Variants in TMEM232 observed in about 807,000 individuals in gnomAD.
TMEM232 encodes transmembrane protein 232.
TMEM232 carries 80 observed loss-of-function variants against 78.8 expected under a neutral mutation model. The ratio of observed to expected loss-of-function variants is 1.01; its 90% CI spans 0.85 to 1.22. The LOEUF (loss-of-function observed/expected upper bound fraction) is 1.22, where lower values mean the gene tolerates loss of function less well. Among genes scored for constraint, TMEM232 ranks in the 50% most tolerant of loss-of-function variants. The pLI is 0.00. For synonymous variants in TMEM232, 297 were observed against 254.3 expected, an observed-to-expected ratio of 1.17 and a Z score of -1.60; for missense variants, 881 against 742.2, an observed-to-expected ratio of 1.19 and a Z score of -2.17.
At chr5:110,607,500 G>A (rs1781664266) in intron 8 of TMEM232, among the ~76,000 whole-genome samples, 1 of 151,982 alleles carries the variant, frequency 6.6e-6, no homozygotes, top group African/African-American at 2.4e-5. Context: ...GCTCAATTAA[G>A]TTAGCCCCCT....
At chr5:110,408,171 T>C (rs913074213) in intron 2 of TMEM232, among the ~76,000 whole-genome samples, 1 of 152,038 alleles carries the variant, frequency 6.6e-6, no homozygotes, top group Non-Finnish European at 1.5e-5. Context: ...ATTAAAAAAG[T>C]AGAAAGATTT....
chr5:110,651,421 G>GGGAA (rs1788281106), intron 2 of TMEM232, among the ~76,000 whole-genome samples: 2 of 151,406 alleles, frequency 1.3e-5, no homozygotes, highest in Admixed American at 1.3e-4. Flanking sequence ...AGAAGAGTGG[G>GGGAA]GGAAGGAAGG....
chr5:110,607,036 T>C (rs1449861726), intron 8 of TMEM232, among the ~76,000 whole-genome samples: 2 of 152,000 alleles, frequency 1.3e-5, no homozygotes, highest in African/African-American at 4.8e-5. Context: ...TTTACAAGAT[T>C]ATTTGAATTT....
chr5:110,613,198 A>G (rs767299535), intron 8 of TMEM232, among the ~76,000 whole-genome samples: 1 of 152,092 alleles, frequency 6.6e-6, no homozygotes, highest in Non-Finnish European at 1.5e-5. Context: ...GTGGATCCTG[A>G]ACCTGCTGTT....
chr5:110,471,155 G>A (rs946154188), intron 12 of TMEM232, among the ~76,000 whole-genome samples: 1 of 152,036 alleles, frequency 6.6e-6, no homozygotes, highest in African/African-American at 2.4e-5. Flanking sequence ...TAAAGCAAAA[G>A]AAAGAATCTC....
chr5:110,528,927 T>C, intron 11 of TMEM232, 92 bp from the exon 12 acceptor site: 1 of 1,127,548 alleles, frequency 8.9e-7, no homozygotes, highest in Admixed American at 4.2e-5. Flanking sequence ...AGTATCTTTA[T>C]TTTCTTTGAC....
At chr5:110,684,358 G>C (rs1446751773) in intron 1 of TMEM232, among the ~76,000 whole-genome samples, 1 of 151,992 alleles carries the variant, frequency 6.6e-6, no homozygotes, top group Non-Finnish European at 1.5e-5. Flanking sequence ...AGAGATTTCT[G>C]GATAAACAAT....
At chr5:110,548,268 C>G (rs2149603068) in intron 11 of TMEM232, among the ~76,000 whole-genome samples, 1 of 149,972 alleles carries the variant, frequency 6.7e-6, no homozygotes, top group Admixed American at 6.6e-5. Flanking sequence ...ACGAACACAT[C>G]CAGATATACA....
At chr5:110,563,487 G>C (rs561644312) in intron 11 of TMEM232, among the ~76,000 whole-genome samples, 2 of 151,852 alleles carry the variant, frequency 1.3e-5, no homozygotes, top group South Asian at 4.1e-4. Flanking sequence ...TAAGACTAGA[G>C]AGTAATACAA....
At chr5:110,448,686 C>T (rs1056579725) in intron 12 of TMEM232, among the ~76,000 whole-genome samples, 1 of 151,796 alleles carries the variant, frequency 6.6e-6, no homozygotes, top group Non-Finnish European at 1.5e-5. Context: ...GGTACATTCC[C>T]CCTCTCACAT....
intron 12 of TMEM232, among the ~76,000 whole-genome samples, chr5:110,473,816 A>T (rs1303731661): frequency 6.7e-6 from 1 of 148,618 alleles, no homozygotes; most frequent in Non-Finnish European, 1.5e-5. Flanking sequence ...TCAAAAAAAA[A>T]GAGGAAATTC....
chr5:110,547,681 C>G (rs1429874911), intron 11 of TMEM232, among the ~76,000 whole-genome samples: 1 of 151,918 alleles, frequency 6.6e-6, no homozygotes, highest in East Asian at 1.9e-4. Flanking sequence ...TCAATGAAAT[C>G]ATCCTTCAAA....
At chr5:110,503,366 T>C (rs1766487896) in intron 12 of TMEM232, among the ~76,000 whole-genome samples, 1 of 152,044 alleles carries the variant, frequency 6.6e-6, no homozygotes, top group South Asian at 2.1e-4. Flanking sequence ...GAATTTTCAA[T>C]TTACTGAGAA....
At chr5:110,593,680 T>A (rs1779806673) in intron 10 of TMEM232, among the ~76,000 whole-genome samples, 1 of 152,026 alleles carries the variant, frequency 6.6e-6, no homozygotes, top group Non-Finnish European at 1.5e-5. Flanking sequence ...GAAAGGGCAA[T>A]AGGGTGATGA....
intron 12 of TMEM232, among the ~76,000 whole-genome samples, chr5:110,524,536 A>T (rs76602634): frequency 0.021 from 3,147 of 152,204 alleles, 79 homozygotes; most frequent in African/African-American, 0.058. Flanking sequence ...TATCTTTTTG[A>T]ATTTGTTAAG....
chr5:110,542,421 G>A (rs1175255541), intron 11 of TMEM232, among the ~76,000 whole-genome samples: 1 of 152,012 alleles, frequency 6.6e-6, no homozygotes, highest in Non-Finnish European at 1.5e-5. Flanking sequence ...CTCACCTAGA[G>A]ACCATCAAGC....
intron 12 of TMEM232, among the ~76,000 whole-genome samples, chr5:110,446,453 T>C (rs771554368): frequency 3.3e-5 from 5 of 152,294 alleles, no homozygotes; most frequent in South Asian, 2.1e-4. Flanking sequence ...TTATGAAAGA[T>C]TGGAAGAGTT....
At position 110,627,838 on chromosome 5, in the gene TMEM232, G is replaced by T. The variant is rs1333768096; in HGVS notation, c.544C>A (p.His182Asn). The change falls in exon 6 of 14, where the codon CAT becomes AAT. Residue 182 changes from histidine (H) to asparagine (N), a missense_variant. Coordinates refer to ENST00000455884, the MANE Select transcript of TMEM232 (RefSeq NM_001039763.4). ...VFLRLFIFFLHGHLESFKQHL... is the reference protein window; with the variant it reads ...VFLRLFIFFLNGHLESFKQHL... The stretch of plus-strand genomic sequence containing the variant: ...TGTTTAAAACTTTCTAGATGACCAT[G>T]CAGGAAAAATATAAAAAGTCGTAAG... 1.3e-6 allele frequency: 2 copies of T among 1,537,522 alleles called. No homozygotes were observed. Among genetic ancestry groups the T allele is most frequent in the Non-Finnish European group, 1.7e-6 (2 of 1,143,322 alleles).
chr5:110,421,660 T>C (rs1488729324), intron 13 of TMEM232, among the ~76,000 whole-genome samples: 1 of 152,102 alleles, frequency 6.6e-6, no homozygotes, highest in Non-Finnish European at 1.5e-5. Flanking sequence ...AATTTGTAGA[T>C]TACTATATAT....
Sources: allele counts gnomAD v4.1 joint callset (sites outside exome capture counted in the v4.1 genomes callset), GRCh38; gene constraint gnomAD v4.1.1; transcripts MANE v1.5; gene names NCBI Gene and HGNC (gene_info 2026-07-23, HGNC 2026-07-21).